KMT2C: variants seen among roughly 807,000 people sequenced by gnomAD.
The protein encoded by KMT2C is histone-lysine N-methyltransferase 2C.
In KMT2C, 88 loss-of-function variants were observed where a neutral mutation model predicts 507.9. That is an observed-to-expected ratio of 0.17 (90% confidence interval 0.15 to 0.21). KMT2C has a LOEUF of 0.21. Among genes scored for constraint, KMT2C ranks in the 10% least tolerant of loss-of-function variants. KMT2C has a pLI of 1.00. For missense variants in KMT2C, 4,954 were observed against 5,957.8 expected (o/e 0.83, Z 5.55); for synonymous variants, 2,049 against 2,080.8 (o/e 0.98, Z 0.42).
chr7:152,290,213 T>C (rs2096387042), intron 6 of KMT2C, among the ~76,000 whole-genome samples: 3 of 113,810 alleles, frequency 2.6e-5, no homozygotes, highest in Admixed American at 1.8e-4. Flanking sequence ...ATAAATTTTA[T>C]ATATATATGT....
At chr7:152,300,951 G>A (rs571520697) in intron 6 of KMT2C, among the ~76,000 whole-genome samples, 25 of 152,154 alleles carry the variant, frequency 1.6e-4, no homozygotes, top group African/African-American at 5.5e-4. Context: ...CCAGCTACTC[G>A]GGAGGCTGAG....
At chr7:152,183,238 C>A in intron 34 of KMT2C, 82 bp from the exon 35 acceptor site, 2 of 1,143,288 alleles carry the variant, frequency 1.7e-6, no homozygotes, top group East Asian at 2.5e-5. Context: ...TGAACTTTCT[C>A]AAATAAAAGA....
intron 23 of KMT2C, among the ~76,000 whole-genome samples, chr7:152,211,301 G>C (rs1588239725): frequency 6.6e-6 from 1 of 152,294 alleles, no homozygotes; most frequent in Non-Finnish European, 1.5e-5. Context: ...GACATTTTCA[G>C]AAGTATATAA....
chr7:152,214,551 C>T (rs1159524850), intron 23 of KMT2C, among the ~76,000 whole-genome samples: 1 of 152,002 alleles, frequency 6.6e-6, no homozygotes, highest in African/African-American at 2.4e-5. Context: ...ATACTTTTTT[C>T]CCCCTCTTAA....
At chr7:152,418,470 G>A (rs373487268) in intron 1 of KMT2C, among the ~76,000 whole-genome samples, 18 of 151,928 alleles carry the variant, frequency 1.2e-4, no homozygotes, top group East Asian at 1.9e-4. Context: ...TCGCTCTGTC[G>A]CCCAGGCTGG....
chr7:152,401,560 A>G (rs953610763), intron 1 of KMT2C, among the ~76,000 whole-genome samples: 6 of 151,602 alleles, frequency 4.0e-5, no homozygotes, highest in African/African-American at 1.5e-4. Flanking sequence ...GCACGGTGGT[A>G]CGCACCTGTA....
intron 26 of KMT2C, among the ~76,000 whole-genome samples, chr7:152,200,058 A>G (rs1021521383): frequency 6.6e-6 from 1 of 152,228 alleles, no homozygotes; most frequent in Non-Finnish European, 1.5e-5. Flanking sequence ...AAATTTCTCA[A>G]AAATCAATAC....
intron 1 of KMT2C, among the ~76,000 whole-genome samples, chr7:152,385,922 T>C (rs1036427859): frequency 6.6e-6 from 1 of 151,614 alleles, no homozygotes; most frequent in Non-Finnish European, 1.5e-5. Context: ...ACCCCGACTC[T>C]ACTAAAAATA....
rs900444312 is a variant in KMT2C at position 152,135,588 on chromosome 7, T to A, written c.*1244A>T. ...TTAGATTTAAGTTTCTGCTACATGATCCTATTACGTTTACATGATTCTCTG... is the reference window on the plus strand; with the variant it reads ...TTAGATTTAAGTTTCTGCTACATGAACCTATTACGTTTACATGATTCTCTG... On this transcript the variant is annotated 3_prime_UTR_variant, in exon 59 of 59. Coordinates refer to ENST00000262189, the MANE Select transcript of KMT2C (RefSeq NM_170606.3). 2 of 226,414 alleles carry A rather than the reference T, an allele frequency of 8.8e-6. No homozygotes were observed. The highest frequency in any genetic ancestry group is 4.5e-5 in the African/African-American group (2 of 44,898). 14.0% of individuals were successfully genotyped at this position (226,414 alleles called of 1,614,324 possible).
chr7:152,317,700 T>G (rs1039991272), intron 3 of KMT2C, among the ~76,000 whole-genome samples: 1 of 152,152 alleles, frequency 6.6e-6, no homozygotes. Context: ...TGTACCTCAT[T>G]AGATGTCACG....
At chr7:152,292,976 T>A (rs2096452050) in intron 6 of KMT2C, among the ~76,000 whole-genome samples, 1 of 152,192 alleles carries the variant, frequency 6.6e-6, no homozygotes, top group South Asian at 2.1e-4. Context: ...TTTATACAGC[T>A]TTTCTAATTG....
intron 40 of KMT2C, among the ~76,000 whole-genome samples, chr7:152,170,228 A>G (rs1587886164): frequency 6.6e-6 from 1 of 152,196 alleles, no homozygotes; most frequent in East Asian, 1.9e-4. Context: ...TGCTTTTCCC[A>G]TTATATCAAA....
rs376597220 is a variant in KMT2C at position 152,301,641 on chromosome 7, C to G, written c.849+8325G>C. 5.1e-4 allele frequency among the ~76,000 whole-genome samples: 78 copies of G among 152,274 alleles called. No individual in the cohort carries two copies. In the South Asian group the frequency reaches 0.016, roughly 31 times the overall value. ...AGTCAAGGTTGCAGTAAGCCATGAT[C>G]GTGCCACTGCATTCCAGCTTAAACA... On this transcript the variant is annotated intron_variant, in intron 6 of 58. Transcript: ENST00000262189.
At chr7:152,373,595 A>T (rs1053872244) in intron 1 of KMT2C, among the ~76,000 whole-genome samples, 3 of 152,220 alleles carry the variant, frequency 2.0e-5, no homozygotes, top group African/African-American at 7.2e-5. Context: ...ATAAAGGAAC[A>T]GGCTAAAGTG....
intron 1 of KMT2C, among the ~76,000 whole-genome samples, chr7:152,431,229 A>G (rs2097859930): frequency 6.6e-6 from 1 of 152,310 alleles, no homozygotes; most frequent in South Asian, 2.1e-4. Context: ...ATTAGTAACT[A>G]ATATGTAAAT....
At position 152,311,848 on chromosome 7, in the gene KMT2C, A is replaced by G. The variant is rs2096674554; in HGVS notation, c.689T>C (p.Leu230Pro). 1 of 1,612,214 alleles carries G rather than the reference A, an allele frequency of 6.2e-7. No individual in the cohort carries two copies. The highest frequency in any genetic ancestry group is 8.5e-7 in the Non-Finnish European group (1 of 1,178,570). The change falls in exon 5 of 59, where the codon CTG (leucine) becomes CCG (proline). Residue 230 changes from leucine to proline, a missense_variant. Physicochemically the swap from Leu to Pro is moderately conservative, Grantham distance 98. Transcript: ENST00000262189. ...ATCAATGGCATCTGGAAGCCCAACC[A>G]GACTGAGTTCATCCCACAGTTTACC... ...QAGKLWDELSLVGLPDAIDIQ... is the reference protein window; with the variant it reads ...QAGKLWDELSPVGLPDAIDIQ...
rs1292773003 is a variant in KMT2C at position 152,196,027 on chromosome 7, A to G, written c.4274-16T>C. The G allele has an allele frequency of 6.8e-6, 10 of 1,478,300 alleles. No homozygotes were observed. Among genetic ancestry groups the G allele is most frequent in the Non-Finnish European group, 8.4e-6 (9 of 1,076,920 alleles). The allele number at this position is 1,478,300 out of a possible 1,614,324, so 91.6% of individuals were successfully genotyped here. On this transcript the variant is annotated splice_polypyrimidine_tract_variant and intron_variant, in intron 27 of 58. Transcript: ENST00000262189. ...TCAGCAGGACCTAAATATAGTAAAT[A>G]TGTTTTTTAAAATTTCAGTATTTTC...
chr7:152,420,726 T>G (rs1351587082), intron 1 of KMT2C, among the ~76,000 whole-genome samples: 1 of 151,738 alleles, frequency 6.6e-6, no homozygotes, highest in African/African-American at 2.4e-5. Context: ...TCCCAGCTAC[T>G]CGGGAAGCTG....
intron 6 of KMT2C, among the ~76,000 whole-genome samples, chr7:152,278,585 A>T (rs1296572453): frequency 6.6e-6 from 1 of 152,252 alleles, no homozygotes; most frequent in Non-Finnish European, 1.5e-5. Flanking sequence ...TTACAGCAAC[A>T]CAGGAGCAGC....
Sources: allele counts gnomAD v4.1 joint callset (sites outside exome capture counted in the v4.1 genomes callset), GRCh38; gene constraint gnomAD v4.1.1; transcripts MANE v1.5; gene names NCBI Gene and HGNC (gene_info 2026-07-23, HGNC 2026-07-21).